EXOC4: variants seen among roughly 807,000 people sequenced by gnomAD.
The protein encoded by EXOC4 is exocyst complex component 4.
In EXOC4, 71 loss-of-function variants were observed where a neutral mutation model predicts 107.2. That is an observed-to-expected ratio of 0.66 (90% CI 0.55 to 0.81). EXOC4 has a LOEUF of 0.81. Ranked by LOEUF, EXOC4 falls within the 30% of genes least tolerant of loss-of-function variation. The pLI, the probability that EXOC4 is intolerant of heterozygous loss-of-function variation, is 0.00. For synonymous variants in EXOC4, 456 were observed against 441.2 expected (o/e 1.03, Z -0.42); for missense variants, 1,108 against 1,189.6 (o/e 0.93, Z 1.01).
chr7:133,926,377 A>G (rs1800052900), intron 13 of EXOC4, among the ~76,000 whole-genome samples: 1 of 152,206 alleles, frequency 6.6e-6, no homozygotes, highest in South Asian at 2.1e-4. Context: ...ATTGATCATC[A>G]TAATCTTGAC....
At chr7:133,927,015 T>C (rs1348628932) in intron 13 of EXOC4, among the ~76,000 whole-genome samples, 1 of 152,152 alleles carries the variant, frequency 6.6e-6, no homozygotes, top group East Asian at 1.9e-4. Flanking sequence ...AGGTTTGCAC[T>C]TTTACTTTTC....
At chr7:133,383,135 G>A (rs150655638) in intron 7 of EXOC4, among the ~76,000 whole-genome samples, 27 of 152,288 alleles carry the variant, frequency 1.8e-4, no homozygotes, top group African/African-American at 6.0e-4. Context: ...TGTTGGCTGT[G>A]TGTTTTCAAG....
intron 10 of EXOC4, among the ~76,000 whole-genome samples, chr7:133,658,338 C>A (rs1803351366): frequency 6.6e-6 from 1 of 152,148 alleles, no homozygotes; most frequent in Admixed American, 6.5e-5. Flanking sequence ...CACGACCCTT[C>A]TGCCAGTATG....
intron 14 of EXOC4, among the ~76,000 whole-genome samples, chr7:133,989,416 A>G (rs932466381): frequency 7.2e-5 from 11 of 152,236 alleles, no homozygotes; most frequent in African/African-American, 2.4e-4. Flanking sequence ...GAGCTCACTC[A>G]GAACATATTG....
chr7:133,320,417 G>A (rs959634968), intron 5 of EXOC4, among the ~76,000 whole-genome samples: 2 of 152,118 alleles, frequency 1.3e-5, no homozygotes, highest in Non-Finnish European at 2.9e-5. Context: ...TTCAAAACCA[G>A]CAATGGTGGG....
intron 10 of EXOC4, among the ~76,000 whole-genome samples, chr7:133,806,522 A>G (rs1017545326): frequency 6.6e-6 from 1 of 152,172 alleles, no homozygotes; most frequent in African/African-American, 2.4e-5. Context: ...AAATGCTTAT[A>G]TTTAGTAATA....
At chr7:134,025,237 T>C (rs1795114678) in intron 17 of EXOC4, among the ~76,000 whole-genome samples, 1 of 152,200 alleles carries the variant, frequency 6.6e-6, no homozygotes, top group African/African-American at 2.4e-5. Context: ...TTATTATTAT[T>C]ACTATTGAAG....
chr7:133,669,035 A>G (rs529656338), intron 10 of EXOC4, among the ~76,000 whole-genome samples: 1 of 126,464 alleles, frequency 7.9e-6, no homozygotes, highest in South Asian at 2.4e-4. Flanking sequence ...CTGTCACTTC[A>G]TACTCTATTC....
At chr7:134,056,524 GA>G (rs1321628220) in intron 17 of EXOC4, among the ~76,000 whole-genome samples, 2 of 152,204 alleles carry the variant, frequency 1.3e-5, no homozygotes, top group African/African-American at 4.8e-5. Context: ...CAAAATGGGA[GA>G]AGGAGTTGAG....
chr7:133,744,428 C>T (rs1262868319), intron 10 of EXOC4, among the ~76,000 whole-genome samples: 1 of 152,062 alleles, frequency 6.6e-6, no homozygotes, highest in Non-Finnish European at 1.5e-5. Flanking sequence ...ACGATTTTTA[C>T]TTGATGTTTA....
At chr7:133,666,111 T>A (rs1258710473) in intron 10 of EXOC4, among the ~76,000 whole-genome samples, 1 of 152,188 alleles carries the variant, frequency 6.6e-6, no homozygotes, top group Non-Finnish European at 1.5e-5. Context: ...TTCAATAAAT[T>A]TCCCCTGTTA....
intron 10 of EXOC4, among the ~76,000 whole-genome samples, chr7:133,694,693 TA>T (rs1480219535): frequency 2.0e-5 from 3 of 152,226 alleles, no homozygotes; most frequent in Non-Finnish European, 4.4e-5. Flanking sequence ...TCTGTCACTG[TA>T]AACATTTTTC....
chr7:133,516,758 ATT>A (rs780319592), intron 9 of EXOC4, among the ~76,000 whole-genome samples: 1 of 49,032 alleles, frequency 2.0e-5, no homozygotes, highest in Non-Finnish European at 3.9e-5. Flanking sequence ...CTAGCTGCTC[ATT>A]TTTTTTTTTT....
rs1240522507 is a variant in EXOC4 at position 133,345,220 on chromosome 7, C to G, written c.764-11110C>G. Among the ~76,000 whole-genome samples, 5 of 152,152 alleles carry G rather than the reference C, an allele frequency of 3.3e-5. No homozygotes were observed. In the East Asian group the frequency reaches 7.7e-4, roughly 23 times the overall value. On this transcript the variant is annotated intron_variant, in intron 5 of 17. Coordinates refer to ENST00000253861, the MANE Select transcript of EXOC4 (RefSeq NM_021807.4). ...CATCTCTGAGCTACACATACTATCT[C>G]CATTTCATGAATGAAGAAATCAAGG...
At chr7:133,456,937 C>G (rs1326984549) in intron 7 of EXOC4, among the ~76,000 whole-genome samples, 1 of 152,156 alleles carries the variant, frequency 6.6e-6, no homozygotes, top group African/African-American at 2.4e-5. Context: ...AGCAGAGAAA[C>G]TAAATGTAGT....
At chr7:133,406,037 C>T (rs931840901) in intron 7 of EXOC4, among the ~76,000 whole-genome samples, 8 of 152,162 alleles carry the variant, frequency 5.3e-5, no homozygotes, top group African/African-American at 1.9e-4. Flanking sequence ...TTTGCAAAAA[C>T]AAGTTACATG....
At chr7:133,669,620 C>T (rs1448972869) in intron 10 of EXOC4, among the ~76,000 whole-genome samples, 4 of 152,174 alleles carry the variant, frequency 2.6e-5, no homozygotes, top group African/African-American at 9.7e-5. Context: ...GAAGATATGT[C>T]CCTTGACCCT....
chr7:133,806,238 G>T (rs1563005914), intron 10 of EXOC4, among the ~76,000 whole-genome samples: 1 of 152,218 alleles, frequency 6.6e-6, no homozygotes. Context: ...GAGTAGCAAG[G>T]CTGAAGAAAA....
the EXOC4 span, among the ~76,000 whole-genome samples, chr7:134,089,828 T>A: frequency 2.0e-5 from 3 of 152,188 alleles, no homozygotes; most frequent in Non-Finnish European, 4.4e-5. Context: ...TTTGCATAGC[T>A]ATGGGGTATG....
Sources: allele counts gnomAD v4.1 joint callset (sites outside exome capture counted in the v4.1 genomes callset), GRCh38; gene constraint gnomAD v4.1.1; transcripts MANE v1.5; gene names NCBI Gene and HGNC (gene_info 2026-07-23, HGNC 2026-07-21).